Variants in UBXN2B observed in about 807,000 individuals in gnomAD.
UBXN2B encodes UBX domain-containing protein 2B.
UBXN2B carries 19 observed loss-of-function variants against 37.5 expected under a neutral mutation model. The ratio of observed to expected loss-of-function variants is 0.51; its 90% CI spans 0.35 to 0.74. The LOEUF (loss-of-function observed/expected upper bound fraction) is 0.74, where lower values mean the gene tolerates loss of function less well. Ranked by LOEUF, UBXN2B falls within the 30% of genes least tolerant of loss-of-function variation. The pLI, the probability that UBXN2B is intolerant of heterozygous loss-of-function variation, is 0.01. For missense variants in UBXN2B, 370 were observed against 393.2 expected (o/e 0.94, Z 0.50); for synonymous variants, 145 against 143.8 (o/e 1.01, Z -0.06).
At chr8:58,421,827 A>G (rs1438139862) in intron 2 of UBXN2B, among the ~76,000 whole-genome samples, 1 of 152,264 alleles carries the variant, frequency 6.6e-6, no homozygotes, top group African/African-American at 2.4e-5. Flanking sequence ...GCCTAAGGTT[A>G]CATAAGAACA....
chr8:58,438,526 G>C (rs992561924), intron 5 of UBXN2B, among the ~76,000 whole-genome samples: 7 of 152,234 alleles, frequency 4.6e-5, no homozygotes, highest in Admixed American at 1.3e-4. Context: ...AAGATTTAAT[G>C]TCTGCCCTGC....
intron 6 of UBXN2B, among the ~76,000 whole-genome samples, chr8:58,445,434 T>C (rs1160051615): frequency 6.6e-6 from 1 of 152,196 alleles, no homozygotes; most frequent in African/African-American, 2.4e-5. Flanking sequence ...CTGGCACCCG[T>C]TGAAACACTG....
At position 58,447,379 on chromosome 8, in the gene UBXN2B, A is replaced by G. The variant is rs752409715; in HGVS notation, c.834-10A>G. On this transcript the variant is annotated splice_polypyrimidine_tract_variant and intron_variant, in intron 7 of 7. Transcript: ENST00000399598. ...TTATATTACAAATTATTTTTGTCTTATTTCTTCAGGATCCTGGATGTCCGG... is the reference window on the plus strand; with the variant it reads ...TTATATTACAAATTATTTTTGTCTTGTTTCTTCAGGATCCTGGATGTCCGG... 6.5e-7 allele frequency: 1 copy of G among 1,550,076 alleles called. No individual in the cohort carries two copies. The highest frequency in any genetic ancestry group is 1.3e-5 in the South Asian group (1 of 79,602).
intron 7 of UBXN2B, among the ~76,000 whole-genome samples, chr8:58,446,779 A>AGTTTTTTTTT (rs1808682324): frequency 5.8e-5 from 1 of 17,386 alleles, no homozygotes; most frequent in Admixed American, 6.2e-4. Flanking sequence ...TACAACCTGC[A>AGTTTTTTTTT]TTTTTTTTTT....
At chr8:58,425,302 G>A (rs1181318630) in intron 2 of UBXN2B, 31 of 1,158,426 alleles carry the variant, frequency 2.7e-5, no homozygotes, top group Middle Eastern at 1.9e-4. Context: ...CACTTCTTTC[G>A]TTGTCATGAC....
At chr8:58,444,952 C>T (rs886973258) in intron 6 of UBXN2B, among the ~76,000 whole-genome samples, 2 of 152,106 alleles carry the variant, frequency 1.3e-5, no homozygotes, top group African/African-American at 4.8e-5. Context: ...AGCCCAAATG[C>T]TCATAGAACT....
intron 5 of UBXN2B, among the ~76,000 whole-genome samples, chr8:58,435,563 G>A (rs1808391062): frequency 6.6e-6 from 1 of 152,118 alleles, no homozygotes; most frequent in Admixed American, 6.5e-5. Context: ...CAACTAGGTG[G>A]GGGAAGTTTT....
At chr8:58,434,102 A>G (rs1808351800) in intron 4 of UBXN2B, among the ~76,000 whole-genome samples, 1 of 152,114 alleles carries the variant, frequency 6.6e-6, no homozygotes, top group South Asian at 2.1e-4. Flanking sequence ...CTTGTGAACC[A>G]TCCACCAATA....
At chr8:58,446,407 T>A (rs533519650) in intron 7 of UBXN2B, among the ~76,000 whole-genome samples, 4 of 152,222 alleles carry the variant, frequency 2.6e-5, no homozygotes, top group Non-Finnish European at 4.4e-5. Context: ...TTGGGGACTT[T>A]ATTCATTTAA....
intron 1 of UBXN2B, among the ~76,000 whole-genome samples, chr8:58,415,930 A>G (rs1307854898): frequency 6.6e-6 from 1 of 152,086 alleles, no homozygotes; most frequent in African/African-American, 2.4e-5. Flanking sequence ...TCAAAGAATT[A>G]ACATTGCCCC....
intron 1 of UBXN2B, chr8:58,413,202 G>T (rs1050367052): frequency 1.3e-5 from 2 of 151,746 alleles, no homozygotes; most frequent in African/African-American, 2.4e-5. Context: ...CTGTCTACTT[G>T]TTGTAGGTTA....
intron 3 of UBXN2B, among the ~76,000 whole-genome samples, chr8:58,431,718 C>G (rs903195995): frequency 6.6e-6 from 1 of 152,192 alleles, no homozygotes; most frequent in African/African-American, 2.4e-5. Context: ...TCCTTTTCAG[C>G]ACTTGGTATT....
chr8:58,441,348 C>CATATATAT lies in UBXN2B; in HGVS notation c.671+1591_671+1598dup, dbSNP rs33952664. On this transcript the variant is annotated intron_variant, in intron 6 of 7. Coordinates refer to ENST00000399598, the MANE Select transcript of UBXN2B (RefSeq NM_001077619.2). ...TTTTTACTCCTCTTGTTGTGATCAACATATATATATATATATATATGTATG... is the reference window on the plus strand; with the variant it reads ...TTTTTACTCCTCTTGTTGTGATCAACATATATATATATATATATATATATATATGTATG... Among the ~76,000 whole-genome samples the CATATATAT allele has an allele frequency of 4.3e-4, 45 of 104,658 alleles. 2 individuals are homozygous for CATATATAT. The highest frequency in any genetic ancestry group is 8.8e-4 in the African/African-American group (22 of 25,016). 68.7% of individuals were successfully genotyped at this position (104,658 alleles called of 152,430 possible).
intron 1 of UBXN2B, 117 bp downstream of exon 1, chr8:58,411,586 T>G: frequency 1.1e-6 from 1 of 871,320 alleles, no homozygotes; most frequent in Non-Finnish European, 1.5e-6. Context: ...CGACCCCGTC[T>G]GGGGATAGAA....
chr8:58,424,794 C>T, intron 2 of UBXN2B: 1 of 1,447,930 alleles, frequency 6.9e-7, no homozygotes, highest in Non-Finnish European at 9.7e-7. Context: ...CAATCCTGCG[C>T]TGTAGTGTTT....
At chr8:58,446,362 G>A (rs1266236904) in intron 7 of UBXN2B, among the ~76,000 whole-genome samples, 1 of 152,084 alleles carries the variant, frequency 6.6e-6, no homozygotes, top group Non-Finnish European at 1.5e-5. Context: ...ACTATATGAA[G>A]TCGAATCAGA....
chr8:58,422,502 T>C (rs1297770072), intron 2 of UBXN2B, among the ~76,000 whole-genome samples: 2 of 152,244 alleles, frequency 1.3e-5, no homozygotes, highest in African/African-American at 2.4e-5. Context: ...ATTCAACATA[T>C]AAGGCGAAGA....
intron 2 of UBXN2B, among the ~76,000 whole-genome samples, chr8:58,428,503 C>G (rs546188938): frequency 1.1e-4 from 16 of 152,126 alleles, no homozygotes; most frequent in Non-Finnish European, 2.2e-4. Flanking sequence ...TCCTGTGTTC[C>G]TCTTCATTCC....
chr8:58,414,407 T>C (rs901679746), intron 1 of UBXN2B, among the ~76,000 whole-genome samples: 1 of 152,350 alleles, frequency 6.6e-6, no homozygotes, highest in East Asian at 1.9e-4. Context: ...AATATTTTGC[T>C]ATATACTTTA....
Sources: allele counts gnomAD v4.1 joint callset (sites outside exome capture counted in the v4.1 genomes callset), GRCh38; gene constraint gnomAD v4.1.1; transcripts MANE v1.5; gene names NCBI Gene and HGNC (gene_info 2026-07-23, HGNC 2026-07-21).